Variants in SLC24A2 observed in about 807,000 individuals in gnomAD.
The protein encoded by SLC24A2 is sodium/potassium/calcium exchanger 2.
SLC24A2 carries 36 observed loss-of-function variants against 62.0 expected under a neutral mutation model. That is an observed-to-expected ratio of 0.58 (90% CI 0.44 to 0.77). The LOEUF (loss-of-function observed/expected upper bound fraction) is 0.77. Among genes scored for constraint, SLC24A2 ranks in the 30% least tolerant of loss-of-function variants. The pLI, the probability that SLC24A2 is intolerant of heterozygous loss-of-function variation, is 0.00. For missense variants in SLC24A2, 846 were observed against 817.9 expected, an observed-to-expected ratio of 1.03 and a Z score of -0.42; for synonymous variants, 358 against 294.0, an observed-to-expected ratio of 1.22 and a Z score of -2.23.
chr9:19,876,269 G>A, the SLC24A2 span, among the ~76,000 whole-genome samples: 1 of 152,006 alleles, frequency 6.6e-6, no homozygotes, highest in East Asian at 1.9e-4. Flanking sequence ...AAAATCCTGA[G>A]GATATACAAC....
At chr9:19,708,326 C>T (rs1587192538) in intron 2 of SLC24A2, among the ~76,000 whole-genome samples, 1 of 152,210 alleles carries the variant, frequency 6.6e-6, no homozygotes, top group East Asian at 1.9e-4. Context: ...AATGGCCATA[C>T]TGCCCAAGGT....
chr9:19,796,883 C>A, the SLC24A2 span, among the ~76,000 whole-genome samples: 3 of 152,112 alleles, frequency 2.0e-5, no homozygotes, highest in African/African-American at 7.2e-5. Flanking sequence ...CCTAGAAACT[C>A]ATAAATATCT....
At chr9:20,163,599 A>G in the SLC24A2 span, among the ~76,000 whole-genome samples, 4 of 152,170 alleles carry the variant, frequency 2.6e-5, no homozygotes, top group Admixed American at 6.5e-5. Flanking sequence ...TCAAGCTACC[A>G]ATGACTTTCT....
At chr9:20,257,197 T>C in the SLC24A2 span, among the ~76,000 whole-genome samples, 7 of 152,160 alleles carry the variant, frequency 4.6e-5, no homozygotes, top group Admixed American at 2.6e-4. Context: ...TTCAGCAGTA[T>C]ACACAGCCAG....
At chr9:20,298,180 T>A in the SLC24A2 span, among the ~76,000 whole-genome samples, 1 of 152,190 alleles carries the variant, frequency 6.6e-6, no homozygotes. Flanking sequence ...AGCAAGTGAT[T>A]ATTATGTCCA....
At chr9:20,242,252 A>C in the SLC24A2 span, among the ~76,000 whole-genome samples, 1 of 152,262 alleles carries the variant, frequency 6.6e-6, no homozygotes, top group Non-Finnish European at 1.5e-5. Context: ...GTAGAAGAAG[A>C]CTTGTAAATT....
chr9:19,802,399 C>T, the SLC24A2 span, among the ~76,000 whole-genome samples: 2 of 152,110 alleles, frequency 1.3e-5, no homozygotes, highest in East Asian at 1.9e-4. Context: ...TTATAATATA[C>T]TGAATACAAA....
the SLC24A2 span, among the ~76,000 whole-genome samples, chr9:20,058,919 C>G: frequency 1.3e-5 from 2 of 152,200 alleles, no homozygotes; most frequent in African/African-American, 2.4e-5. Context: ...TACTTTGATA[C>G]TGTGTTTTGC....
intron 7 of SLC24A2, among the ~76,000 whole-genome samples, chr9:19,570,388 T>C (rs1835803146): frequency 6.6e-6 from 1 of 152,228 alleles, no homozygotes; most frequent in Non-Finnish European, 1.5e-5. Context: ...GCCTCTTCTA[T>C]GGAGTTTTTA....
chr9:20,249,911 C>T, the SLC24A2 span, among the ~76,000 whole-genome samples: 1 of 152,148 alleles, frequency 6.6e-6, no homozygotes, highest in Non-Finnish European at 1.5e-5. Flanking sequence ...ATAGATTCTC[C>T]TCCTGGTTTC....
intron 2 of SLC24A2, among the ~76,000 whole-genome samples, chr9:19,680,745 C>CA (rs971378040): frequency 1.3e-5 from 2 of 152,126 alleles, no homozygotes; most frequent in Non-Finnish European, 2.9e-5. Flanking sequence ...TTTGAAAACT[C>CA]AATTTCACAA....
chr9:20,110,075 T>G, the SLC24A2 span, among the ~76,000 whole-genome samples: 1 of 152,178 alleles, frequency 6.6e-6, no homozygotes, highest in Non-Finnish European at 1.5e-5. Context: ...ATCTGAACTG[T>G]AGGGATTTTA....
intron 7 of SLC24A2, among the ~76,000 whole-genome samples, chr9:19,560,932 G>GAC (rs1196585536): frequency 1.4e-5 from 2 of 145,740 alleles, no homozygotes; most frequent in African/African-American, 5.4e-5. Context: ...GAGAGAGAGA[G>GAC]AGAGAGAGAG....
the SLC24A2 span, among the ~76,000 whole-genome samples, chr9:20,013,129 C>A: frequency 6.6e-6 from 1 of 152,036 alleles, no homozygotes. Flanking sequence ...AAGCTGAAGG[C>A]ATTACACTCT....
At chr9:19,875,874 C>T in the SLC24A2 span, among the ~76,000 whole-genome samples, 1 of 152,206 alleles carries the variant, frequency 6.6e-6, no homozygotes, top group African/African-American at 2.4e-5. Context: ...CATACATTCA[C>T]TCAATCATTT....
intron 2 of SLC24A2, among the ~76,000 whole-genome samples, chr9:19,707,485 C>T (rs1048091770): frequency 1.5e-4 from 23 of 152,198 alleles, no homozygotes; most frequent in Non-Finnish European, 1.3e-4. Flanking sequence ...CCTTGATGAA[C>T]GTTGATGCAA....
chr9:20,193,674 T>C, the SLC24A2 span, among the ~76,000 whole-genome samples: 5 of 152,078 alleles, frequency 3.3e-5, no homozygotes, highest in Non-Finnish European at 7.4e-5. Flanking sequence ...ATTTAGGATG[T>C]TGATTTTTAA....
In SLC24A2 at chr9:19,513,478, G is replaced by T. The variant is rs576220192; in HGVS notation, c.*2675C>A. ...TAGGTCAGGCTCAGTGCACATGACTGATGTGGGAACGGGGCTTGGAAATTT... is the reference window on the plus strand; with the variant it reads ...TAGGTCAGGCTCAGTGCACATGACTTATGTGGGAACGGGGCTTGGAAATTT... On this transcript the variant is annotated 3_prime_UTR_variant, in exon 11 of 11. Coordinates refer to ENST00000341998, the MANE Select transcript of SLC24A2 (RefSeq NM_020344.4). 2 of 152,188 alleles carry T rather than the reference G, an allele frequency of 1.3e-5. No homozygotes were observed. The highest frequency in any genetic ancestry group is 4.2e-4 in the South Asian group (2 of 4,812). 9.4% of individuals were successfully genotyped at this position (152,188 alleles called of 1,614,324 possible). A position where few individuals can be genotyped will look rare whatever the true frequency, so the allele number is the denominator to read the frequency against.
chr9:20,247,960 G>A, the SLC24A2 span, among the ~76,000 whole-genome samples: 1 of 152,186 alleles, frequency 6.6e-6, no homozygotes, highest in Non-Finnish European at 1.5e-5. Flanking sequence ...AAAGGGCTTA[G>A]AGCATATGGA....
Sources: gnomAD v4.1 joint callset for allele counts (sites outside exome capture counted in the v4.1 genomes callset) on GRCh38, gnomAD v4.1.1 for gene constraint, MANE v1.5 for transcripts, NCBI Gene and HGNC (gene_info 2026-07-23, HGNC 2026-07-21) for gene names.